The following CDHR2 variants were observed in gnomAD, a reference collection of about 807,000 sequenced individuals.
CDHR2 encodes the protein cadherin-related family member 2.
A neutral mutation model predicts 138.6 loss-of-function variants in CDHR2; 104 were observed. The observed-to-expected ratio is 0.75, with a 90% CI of 0.64 to 0.88. The LOEUF (loss-of-function observed/expected upper bound fraction) is 0.88, where lower values mean the gene tolerates loss of function less well. CDHR2 is among the 40% of genes least tolerant of loss of function. The probability of loss-of-function intolerance (pLI) is 0.00; values close to 1 mark genes in which losing one functional copy is unlikely to be tolerated. For missense variants in CDHR2, 1,624 were observed against 1,727.6 expected (o/e 0.94, Z 1.06); for synonymous variants, 755 against 742.8 (o/e 1.02, Z -0.27).
At position 176,575,293 on chromosome 5, in the gene CDHR2, T is replaced by G. The variant is rs1419724546; in HGVS notation, c.635T>G (p.Met212Arg). The part of the protein sequence containing the change: ...LELKACDLGG[M>R]YHNTFTIQCS... ...ATCTCCCCGCAGGACTTGGGCGGCATGTACCACAACACCTTCACCATCCAG... is the reference window on the plus strand; with the variant it reads ...ATCTCCCCGCAGGACTTGGGCGGCAGGTACCACAACACCTTCACCATCCAG... Residue 212 changes from methionine (M) to arginine (R), a missense_variant, in exon 9 of 32, where the codon ATG becomes AGG. Transcript: ENST00000261944. 6.2e-7 allele frequency: 1 copy of G among 1,614,210 alleles called. No individual in the cohort carries two copies. The highest frequency in any genetic ancestry group is 8.5e-7 in the Non-Finnish European group (1 of 1,180,046).
rs1325154504 is a variant in CDHR2, at chr5:176,565,707, A to G, written c.88A>G (p.Met30Val). Residue 30 changes from methionine (M) to valine (V), a missense_variant, in exon 3 of 32, where the codon ATG (methionine) becomes GTG (valine). Physicochemically the swap from Met to Val is conservative, Grantham distance 21. Transcript: ENST00000261944. ...ANVAPKFLAN[M>V]TSVILPEDLP... ...CGTGGCCCCGAAGTTCCTAGCCAAC[A>G]TGACGTCAGTGATCCTGCCTGAGGA... is the stretch of plus-strand genomic sequence containing the variant. 1 of 1,613,964 alleles carries G rather than the reference A, an allele frequency of 6.2e-7. No individual in the cohort carries two copies. The highest frequency in any genetic ancestry group is 2.2e-5 in the East Asian group (1 of 44,858).
intron 1 of CDHR2, among the ~76,000 whole-genome samples, chr5:176,551,049 G>T (rs1757693212): frequency 6.6e-6 from 1 of 152,186 alleles, no homozygotes; most frequent in Admixed American, 6.5e-5. Context: ...TCACTCTGTT[G>T]CCCAGGCTGG....
chr5:176,560,867 T>C (rs1757949376), intron 1 of CDHR2, among the ~76,000 whole-genome samples: 1 of 152,178 alleles, frequency 6.6e-6, no homozygotes, highest in African/African-American at 2.4e-5. Flanking sequence ...GTGGGGAGCA[T>C]GGCGAGATGA....
chr5:176,559,154 G>T (rs1757910390), intron 1 of CDHR2, among the ~76,000 whole-genome samples: 1 of 152,198 alleles, frequency 6.6e-6, no homozygotes, highest in Non-Finnish European at 1.5e-5. Context: ...AGAGGCCCAG[G>T]TGTAAGCTGC....
chr5:176,572,494 C>T (rs180929896), intron 6 of CDHR2, among the ~76,000 whole-genome samples: 11 of 152,248 alleles, frequency 7.2e-5, no homozygotes, highest in Non-Finnish European at 1.0e-4. Context: ...AGCCCAAAGC[C>T]CAGGGCTGAC....
chr5:176,560,527 C>T (rs958057390), intron 1 of CDHR2, among the ~76,000 whole-genome samples: 1 of 152,244 alleles, frequency 6.6e-6, no homozygotes, highest in Non-Finnish European at 1.5e-5. Flanking sequence ...GTTTGTCTGC[C>T]ATACCACTTA....
chr5:176,594,457 T>G (rs2113340672), intron 31 of CDHR2, among the ~76,000 whole-genome samples: 1 of 152,250 alleles, frequency 6.6e-6, no homozygotes, highest in East Asian at 1.9e-4. Context: ...AGATTATCAC[T>G]CTAACCTCCC....
At position 176,569,015 on chromosome 5, in the gene CDHR2, G is replaced by A. The variant is rs1758157133; in HGVS notation, c.315+5G>A. The A allele has an allele frequency of 6.2e-7, 1 of 1,614,000 alleles. No homozygotes were observed. ...GTGAGCGACCCCTACATCCAGGTGA[G>A]TTGGGAGGTGCAGGGGGGTAGACAG... On this transcript the variant is annotated splice_donor_5th_base_variant and intron_variant, in intron 5 of 31. Coordinates refer to ENST00000261944, the MANE Select transcript of CDHR2 (RefSeq NM_017675.6).
In CDHR2 at chr5:176,543,246, C is replaced by T. The variant is rs1163931612; in HGVS notation, c.-16+477C>T. Among the ~76,000 whole-genome samples the T allele has an allele frequency of 6.8e-6, 1 of 146,886 alleles. No individual in the cohort carries two copies. Among genetic ancestry groups the T allele is most frequent in the East Asian group, 2.0e-4 (1 of 5,062 alleles). On this transcript the variant is annotated intron_variant, in intron 1 of 31. Transcript: ENST00000510636. The surrounding 1 kb of genome is among the most constrained non-coding windows in gnomAD (Gnocchi z 4.0). ...CGCCCGGGGCGCTCGGCGCAGGGTC[C>T]GGGCCCGGCGTTACCTGGGGCCGCG...
rs577130376 is a variant in CDHR2, at chr5:176,575,462, G to A, written c.768+36G>A. On this transcript the variant is annotated intron_variant, in intron 9 of 31. Transcript: ENST00000261944. ...GACCTGTGGGGTGTGGGTGGAGGCG[G>A]GAGGCGGGGAAGTTTGAGGAGCACT... 1.2e-4 allele frequency: 186 copies of A among 1,614,234 alleles called. No homozygotes were observed. In the Admixed American group the frequency reaches 3.0e-3, roughly 26 times the overall value.
At chr5:176,563,383 T>C (rs1254362275) in intron 1 of CDHR2, among the ~76,000 whole-genome samples, 1 of 152,006 alleles carries the variant, frequency 6.6e-6, no homozygotes, top group Non-Finnish European at 1.5e-5. Context: ...CGGTTATGGC[T>C]GGTGGAACAG....
rs368139480 is a variant in CDHR2, at chr5:176,562,361, G to C, written c.-15-2977G>C. On this transcript the variant is annotated intron_variant, in intron 1 of 31. Transcript: ENST00000261944. ...TAGAGAGAAACAGAGGAGGCTGCAC[G>C]GATTGGACGTGGGCGTTCAGGAGAA... Among the ~76,000 whole-genome samples, 938 of 151,972 alleles carry C rather than the reference G, an allele frequency of 6.2e-3. 9 individuals carry two copies. The highest frequency in any genetic ancestry group is 0.021 in the African/African-American group (887 of 41,398).
intron 17 of CDHR2, among the ~76,000 whole-genome samples, chr5:176,583,047 A>C (rs956705104): frequency 6.6e-6 from 1 of 152,254 alleles, no homozygotes; most frequent in African/African-American, 2.4e-5. Context: ...CACAAGGGTC[A>C]GAGAGTGAGA....
At chr5:176,556,301 T>C (rs1400169687) in intron 1 of CDHR2, among the ~76,000 whole-genome samples, 7 of 152,206 alleles carry the variant, frequency 4.6e-5, no homozygotes, top group Admixed American at 1.3e-4. Context: ...CCCAGGAGTC[T>C]GAGGCTGCCC....
At position 176,590,490 on chromosome 5, in the gene CDHR2, G is replaced by T; in HGVS notation, c.3414+5G>T. 1 of 1,613,928 alleles carries T rather than the reference G, an allele frequency of 6.2e-7. No homozygotes were observed. The highest frequency in any genetic ancestry group is 1.3e-5 in the African/African-American group (1 of 75,036). On this transcript the variant is annotated splice_donor_5th_base_variant and intron_variant, in intron 27 of 31. Coordinates refer to ENST00000261944, the MANE Select transcript of CDHR2 (RefSeq NM_017675.6). ...CAGCTGGGGCTGGTGGTGCTGGTGA[G>T]TGCGGGCAGGGCGGGGCAGCAGGTG...
At chr5:176,594,089 G>A (rs934072037) in intron 31 of CDHR2, among the ~76,000 whole-genome samples, 2 of 152,222 alleles carry the variant, frequency 1.3e-5, no homozygotes, top group African/African-American at 4.8e-5. Context: ...ACCCCCTGAG[G>A]TGTGGCTGGA....
At chr5:176,572,829 A>T (rs1758268869) in intron 6 of CDHR2, among the ~76,000 whole-genome samples, 1 of 152,232 alleles carries the variant, frequency 6.6e-6, no homozygotes. Context: ...TCTAGGTGCT[A>T]AGGTTACCTG....
chr5:176,546,890 C>T (rs921692509), upstream of CDHR2, among the ~76,000 whole-genome samples: 14 of 152,158 alleles, frequency 9.2e-5, no homozygotes, highest in African/African-American at 3.1e-4. Context: ...AGAAACACTT[C>T]TCAAAAAGAG....
In CDHR2 at chr5:176,560,963, C is replaced by T. The variant is rs182913382; in HGVS notation, c.-15-4375C>T. ...GGGAAGCACGTAGCCAGATCAGAAC[C>T]AGGATCTCTGACTGTCTAGGGCACA... On this transcript the variant is annotated intron_variant, in intron 1 of 31. Transcript: ENST00000261944. Among the ~76,000 whole-genome samples, 5 of 141,914 alleles carry T rather than the reference C, an allele frequency of 3.5e-5. No homozygotes were observed. In the East Asian group the frequency reaches 1.1e-3, roughly 31 times the overall value. The allele number at this position is 141,914 out of a possible 152,430, so 93.1% of individuals were successfully genotyped here.
Sources: gnomAD v4.1 joint callset for allele counts (sites outside exome capture counted in the v4.1 genomes callset) on GRCh38, gnomAD v4.1.1 for gene constraint, Gnocchi (gnomAD v3.1) non-coding constraint, MANE v1.5 for transcripts, NCBI Gene and HGNC (gene_info 2026-07-23, HGNC 2026-07-21) for gene names.